GYPC: variants seen among roughly 807,000 people sequenced by gnomAD.
The protein encoded by GYPC is glycophorin-C.
A neutral mutation model predicts 12.6 loss-of-function variants in GYPC; 14 were observed. The observed-to-expected ratio is 1.11, with a 90% CI of 0.74 to 1.74. The LOEUF is 1.74. Ranked by LOEUF, GYPC falls within the 40% of genes most tolerant of loss-of-function variation. GYPC has a pLI of 0.00. For synonymous variants in GYPC, 78 were observed against 62.1 expected, an observed-to-expected ratio of 1.26 and a Z score of -1.20; for missense variants, 225 against 172.1, an observed-to-expected ratio of 1.31 and a Z score of -1.72.
At chr2:126,677,461 GAC>G (rs1683029499) in intron 1 of GYPC, among the ~76,000 whole-genome samples, 1 of 150,406 alleles carries the variant, frequency 6.6e-6, no homozygotes, top group African/African-American at 2.4e-5. Flanking sequence ...ATAAGAGTGT[GAC>G]AGTGTGTGTG....
Position 126,664,146 on chromosome 2 carries a change from G to A in GYPC, c.49+7834G>A, listed in dbSNP as rs147387033. Among the ~76,000 whole-genome samples, 13 of 152,096 alleles carry A rather than the reference G, an allele frequency of 8.5e-5. No individual in the cohort carries two copies. In the East Asian group the frequency reaches 1.4e-3, roughly 16 times the overall value. On this transcript the variant is annotated intron_variant, in intron 1 of 3. Transcript: ENST00000259254. ...CTTCGGCAAAACTTCTCATTTTAGC[G>A]AAATTAATTTCAGTTATGGTTGAAA...
At chr2:126,664,971 C>T (rs779889054) in intron 1 of GYPC, among the ~76,000 whole-genome samples, 3 of 152,142 alleles carry the variant, frequency 2.0e-5, no homozygotes, top group African/African-American at 7.2e-5. Flanking sequence ...CTCTCTCTCT[C>T]TCTCTCTGTG....
intron 1 of GYPC, among the ~76,000 whole-genome samples, chr2:126,683,540 TCA>T (rs1683206084): frequency 6.6e-6 from 1 of 151,796 alleles, no homozygotes; most frequent in African/African-American, 2.4e-5. Context: ...TACTCTCGCC[TCA>T]CAAGGGAGAA....
Position 126,695,946 on chromosome 2 carries a change from G to A in GYPC, c.191G>A (p.Gly64Asp). Residue 64 changes from glycine to aspartate, a missense_variant and splice_region_variant, in exon 4 of 4, where the codon GGT becomes GAT. Coordinates refer to ENST00000259254, the MANE Select transcript of GYPC (RefSeq NM_002101.5). ...PTIMDIVVIA[G>D]VIAAVAIVLV... ...CCCTTGCACCTCTTCCCACCTGCAG[G>A]TGTGATTGCTGCTGTGGCCATCGTC... The A allele has an allele frequency of 1.2e-6, 2 of 1,613,636 alleles. No homozygotes were observed. The highest frequency in any genetic ancestry group is 1.7e-6 in the Non-Finnish European group (2 of 1,179,702).
chr2:126,683,849 T>C (rs931846406), intron 1 of GYPC, among the ~76,000 whole-genome samples: 7 of 152,182 alleles, frequency 4.6e-5, no homozygotes, highest in Non-Finnish European at 7.3e-5. Flanking sequence ...GACTCTGCCT[T>C]CTGAGTGTTG....
At chr2:126,663,950 GTCTCTCTC>G (rs61649506) in intron 1 of GYPC, among the ~76,000 whole-genome samples, 17,342 of 129,254 alleles carry the variant, frequency 0.13, 1,440 homozygotes, top group Non-Finnish European at 0.17. Context: ...TAAGGTTCTG[GTCTCTCTC>G]TCTCTCTCTC....
In GYPC at chr2:126,677,950, A is replaced by G. The variant is rs773130737; in HGVS notation, c.50-12305A>G. ...AAAATGTCCCCCATCGGCCGGGTGC[A>G]GCGGCTCACGCCTGTAATCCCAGCA... On this transcript the variant is annotated intron_variant, in intron 1 of 3. Coordinates refer to ENST00000259254, the MANE Select transcript of GYPC (RefSeq NM_002101.5). Among the ~76,000 whole-genome samples, 125 of 152,234 alleles carry G rather than the reference A, an allele frequency of 8.2e-4. 1 individual carries two copies. The highest frequency in any genetic ancestry group is 2.2e-3 in the Admixed American group (34 of 15,284).
At chr2:126,688,552 C>T (rs554828213) in intron 1 of GYPC, among the ~76,000 whole-genome samples, 19 of 152,212 alleles carry the variant, frequency 1.2e-4, no homozygotes, top group Non-Finnish European at 2.1e-4. Context: ...CTGAGAAGCA[C>T]TGTGAATGCT....
chr2:126,677,489 C>CTG (rs1265068100), intron 1 of GYPC, among the ~76,000 whole-genome samples: 1 of 51,372 alleles, frequency 1.9e-5, no homozygotes, highest in East Asian at 4.3e-4. Context: ...ACGTGTGAGT[C>CTG]TGAGTGTGTG....
intron 2 of GYPC, among the ~76,000 whole-genome samples, chr2:126,691,762 G>A (rs1471997199): frequency 2.0e-5 from 3 of 152,164 alleles, no homozygotes; most frequent in East Asian, 1.9e-4. Flanking sequence ...CCTAGTAAGC[G>A]ATTGTTAGTT....
chr2:126,686,226 C>T (rs1039595151), intron 1 of GYPC: 107 of 985,436 alleles, frequency 1.1e-4, no homozygotes, highest in Middle Eastern at 5.2e-4. Flanking sequence ...CCCTGCTCTC[C>T]GTCCACATCT....
intron 2 of GYPC, among the ~76,000 whole-genome samples, chr2:126,692,653 C>T (rs924789839): frequency 1.5e-4 from 23 of 152,242 alleles, no homozygotes; most frequent in African/African-American, 5.3e-4. Context: ...GGAAACATCC[C>T]GGTCCCCAAT....
At chr2:126,680,179 G>T (rs1297365020) in intron 1 of GYPC, 1 of 152,166 alleles carries the variant, frequency 6.6e-6, no homozygotes, top group Non-Finnish European at 1.5e-5. Context: ...AAACTGTGGA[G>T]CCAAATTGTT....
At position 126,656,249 on chromosome 2, in the gene GYPC, G is replaced by A. The variant is rs770458644; in HGVS notation, c.-15G>A. The A allele has an allele frequency of 8.1e-6, 13 of 1,600,130 alleles. No homozygotes were observed. The East Asian group carries it at 1.1e-4, about 14-fold the overall frequency. On this transcript the variant is annotated 5_prime_UTR_variant, in exon 1 of 4. Transcript: ENST00000259254. ...GGCCAGTCCCCGCGGTCTCTGCCCG[G>A]GCTGACGCCCAGGAATGTGGTCGAC...
At chr2:126,686,603 G>C in intron 1 of GYPC, 1 of 981,504 alleles carries the variant, frequency 1.0e-6, no homozygotes, top group South Asian at 4.7e-5. Flanking sequence ...TGAGTATAGA[G>C]TTGTGAGCAA....
At chr2:126,672,105 G>A (rs1261406398) in intron 1 of GYPC, among the ~76,000 whole-genome samples, 1 of 152,140 alleles carries the variant, frequency 6.6e-6, no homozygotes, top group African/African-American at 2.4e-5. Flanking sequence ...ACTGAGAGAT[G>A]CAGGTGGACA....
intron 1 of GYPC, among the ~76,000 whole-genome samples, chr2:126,665,421 C>T (rs1380484849): frequency 1.3e-5 from 2 of 152,190 alleles, no homozygotes; most frequent in East Asian, 1.9e-4. Context: ...AAGGTTCAGT[C>T]GTATCTCTGG....
At chr2:126,683,745 C>T (rs1351759427) in intron 1 of GYPC, among the ~76,000 whole-genome samples, 1 of 152,144 alleles carries the variant, frequency 6.6e-6, no homozygotes, top group East Asian at 1.9e-4. Context: ...TTCCAGTTCC[C>T]CTCCTGGGAG....
chr2:126,694,432 T>C (rs901693910), intron 3 of GYPC, among the ~76,000 whole-genome samples: 1 of 152,144 alleles, frequency 6.6e-6, no homozygotes, highest in Non-Finnish European at 1.5e-5. Flanking sequence ...CAAACTGTGT[T>C]TGAAGAACAA....
Sources: gnomAD v4.1 joint callset for allele counts (sites outside exome capture counted in the v4.1 genomes callset) on GRCh38, gnomAD v4.1.1 for gene constraint, MANE v1.5 for transcripts, NCBI Gene and HGNC (gene_info 2026-07-23, HGNC 2026-07-21) for gene names.